Variants in OLFM3 observed in about 807,000 individuals in gnomAD.
OLFM3 encodes olfactomedin 3.
OLFM3 carries 20 observed loss-of-function variants against 48.6 expected under a neutral mutation model. That is an observed-to-expected ratio of 0.41 (90% CI 0.29 to 0.60). The LOEUF is 0.60. OLFM3 is among the 20% of genes least tolerant of loss of function. OLFM3 has a pLI of 0.28. For missense variants in OLFM3, 437 were observed against 544.3 expected (o/e 0.80, Z 1.96); for synonymous variants, 222 against 198.1 (o/e 1.12, Z -1.01).
At chr1:101,873,490 T>C (rs1286553515) in intron 1 of OLFM3, among the ~76,000 whole-genome samples, 5 of 151,896 alleles carry the variant, frequency 3.3e-5, no homozygotes, top group Non-Finnish European at 7.4e-5. Flanking sequence ...GTGGAAGTTG[T>C]ACAAAATACA....
chr1:101,915,946 T>C (rs1165552609), intron 1 of OLFM3, among the ~76,000 whole-genome samples: 1 of 152,100 alleles, frequency 6.6e-6, no homozygotes, highest in Non-Finnish European at 1.5e-5. Flanking sequence ...CTGCCTCATT[T>C]AGTTATTTCA....
At chr1:101,859,620 A>G (rs1447691826) in intron 1 of OLFM3, among the ~76,000 whole-genome samples, 2 of 152,134 alleles carry the variant, frequency 1.3e-5, no homozygotes, top group African/African-American at 4.8e-5. Context: ...CCAAAAATCC[A>G]AAATCCAAAA....
chr1:101,819,076 G>T (rs1156491985), intron 4 of OLFM3, among the ~76,000 whole-genome samples: 6 of 152,096 alleles, frequency 3.9e-5, no homozygotes, highest in African/African-American at 1.4e-4. Context: ...AAGTGTCATG[G>T]GAGAGTAGGG....
At chr1:101,920,441 G>A (rs917847537) in intron 1 of OLFM3, among the ~76,000 whole-genome samples, 1 of 152,176 alleles carries the variant, frequency 6.6e-6, no homozygotes, top group Non-Finnish European at 1.5e-5. Flanking sequence ...AATAGATGCT[G>A]GCACAGTGAA....
At chr1:101,889,159 C>A (rs74864819) in intron 1 of OLFM3, among the ~76,000 whole-genome samples, 41,029 of 152,022 alleles carry the variant, frequency 0.27, 5,744 homozygotes, top group East Asian at 0.36. Flanking sequence ...TGGGTATACA[C>A]CCAAAGGATT....
intron 1 of OLFM3, among the ~76,000 whole-genome samples, chr1:101,991,868 G>A (rs1661422266): frequency 6.6e-6 from 1 of 151,762 alleles, no homozygotes; most frequent in Non-Finnish European, 1.5e-5. Context: ...AGGCAAAACC[G>A]AGAAGATGAA....
At chr1:101,832,038 G>A (rs571833502) in intron 2 of OLFM3, among the ~76,000 whole-genome samples, 5 of 152,186 alleles carry the variant, frequency 3.3e-5, no homozygotes, top group Admixed American at 6.5e-5. Context: ...GAGTAGCTGG[G>A]ATTACAGGTG....
At chr1:101,889,140 T>C (rs1479430681) in intron 1 of OLFM3, among the ~76,000 whole-genome samples, 1 of 152,198 alleles carries the variant, frequency 6.6e-6, no homozygotes, top group African/African-American at 2.4e-5. Context: ...GACCCAGCCA[T>C]CCCATTACTG....
intron 1 of OLFM3, among the ~76,000 whole-genome samples, chr1:101,921,294 G>A (rs949891620): frequency 5.5e-4 from 83 of 151,706 alleles, no homozygotes; most frequent in African/African-American, 1.8e-3. Flanking sequence ...CTTGATTCAA[G>A]CAAGGTTCTT....
chr1:101,971,453 T>C (rs1660801556), intron 1 of OLFM3, among the ~76,000 whole-genome samples: 1 of 152,168 alleles, frequency 6.6e-6, no homozygotes, highest in South Asian at 2.1e-4. Context: ...CATTTTCAAG[T>C]CTTCTGGTAA....
At chr1:101,968,033 G>A (rs1358944606) in intron 1 of OLFM3, among the ~76,000 whole-genome samples, 1 of 152,124 alleles carries the variant, frequency 6.6e-6, no homozygotes, top group Non-Finnish European at 1.5e-5. Context: ...CTAGCCAGTT[G>A]GTTTATTTTC....
chr1:101,804,767 TAG>T lies in OLFM3; in HGVS notation c.846_847del (p.Tyr283PhefsTer2). 1 of 1,612,708 alleles carries T rather than the reference TAG, an allele frequency of 6.2e-7. No homozygotes were observed. The highest frequency in any genetic ancestry group is 8.5e-7 in the Non-Finnish European group (1 of 1,179,172). On this transcript the variant is annotated frameshift_variant, in exon 6 of 6. Coordinates refer to ENST00000370103, the MANE Select transcript of OLFM3 (RefSeq NM_058170.4). LOFTEE classifies it high-confidence loss of function. This position sits in a 1 kb window ranked among gnomAD's most constrained non-coding sequence, Gnocchi z 4.5. ...GATATTACTCTGATACTTGTTAAAA[TAG>T]AGTGAGCCATTGTAGACAACATGGT...
At chr1:101,910,006 A>T (rs952253343) in intron 1 of OLFM3, 3 of 985,344 alleles carry the variant, frequency 3.0e-6, no homozygotes, top group Non-Finnish European at 2.4e-6. Context: ...CTTGCTTTAT[A>T]ATATTAAGGT....
At chr1:101,919,126 T>C (rs1659014524) in intron 1 of OLFM3, among the ~76,000 whole-genome samples, 1 of 152,164 alleles carries the variant, frequency 6.6e-6, no homozygotes, top group African/African-American at 2.4e-5. Context: ...CAGTAGAACT[T>C]AATTTGGTTC....
At chr1:101,845,500 C>T (rs1426401675) in intron 1 of OLFM3, among the ~76,000 whole-genome samples, 1 of 152,056 alleles carries the variant, frequency 6.6e-6, no homozygotes, top group Admixed American at 6.6e-5. Flanking sequence ...ATTCATTATC[C>T]TGCAAGAGTT....
chr1:101,883,558 T>C (rs1657622243), intron 1 of OLFM3, among the ~76,000 whole-genome samples: 1 of 151,904 alleles, frequency 6.6e-6, no homozygotes, highest in Non-Finnish European at 1.5e-5. Context: ...ACCCTTAATG[T>C]CCTTGATAAT....
intron 3 of OLFM3, among the ~76,000 whole-genome samples, chr1:101,828,052 C>CTGTCTCTCTCTCTCTG (rs747561274): frequency 4.0e-5 from 5 of 125,398 alleles, no homozygotes; most frequent in African/African-American, 1.4e-4. Context: ...GTCTGTCTGT[C>CTGTCTCTCTCTCTCTG]TCTCTCTCTC....
In OLFM3 at chr1:101,818,468, G is replaced by A. The variant is rs116440978; in HGVS notation, c.592+6558C>T. Among the ~76,000 whole-genome samples the A allele has an allele frequency of 8.5e-3, 1,300 of 152,214 alleles. 8 individuals are homozygous for A. Among genetic ancestry groups the A allele is most frequent in the Middle Eastern group, 0.017 (5 of 294 alleles). On this transcript the variant is annotated intron_variant, in intron 4 of 5. Coordinates refer to ENST00000370103, the MANE Select transcript of OLFM3 (RefSeq NM_058170.4). ...TTTACAACCTAGAATTTTGGGAAGA[G>A]CAAGACTGTTTTTGGTAAATGACTT...
chr1:101,969,500 C>A (rs565629599), intron 1 of OLFM3, among the ~76,000 whole-genome samples: 7 of 152,086 alleles, frequency 4.6e-5, no homozygotes, highest in Non-Finnish European at 8.8e-5. Context: ...AGAGCCAAAG[C>A]ATTAGGTACT....
Sources: allele counts gnomAD v4.1 joint callset (sites outside exome capture counted in the v4.1 genomes callset), GRCh38; gene constraint gnomAD v4.1.1; non-coding constraint Gnocchi (gnomAD v3.1); transcripts MANE v1.5; gene names NCBI Gene and HGNC (gene_info 2026-07-23, HGNC 2026-07-21).